The following BRWD1 variants were observed in gnomAD, a reference collection of about 807,000 sequenced individuals.
The protein encoded by BRWD1 is bromodomain and WD repeat-containing protein 1.
BRWD1 carries 82 observed loss-of-function variants against 251.2 expected under a neutral mutation model. The ratio of observed to expected loss-of-function variants is 0.33; its 90% confidence interval spans 0.27 to 0.39. The LOEUF (loss-of-function observed/expected upper bound fraction) is 0.39, where lower values mean the gene tolerates loss of function less well. Among genes scored for constraint, BRWD1 ranks in the 10% least tolerant of loss-of-function variants. BRWD1 has a pLI of 1.00. For missense variants in BRWD1, 2,233 were observed against 2,711.6 expected (o/e 0.82, Z 3.92); for synonymous variants, 918 against 902.8 (o/e 1.02, Z -0.30).
rs894307806 is a variant in BRWD1 at position 39,189,923 on chromosome 21, C to T, written c.*6336G>A. 2 of 985,258 alleles carry T rather than the reference C, an allele frequency of 2.0e-6. No individual in the cohort carries two copies. The highest frequency in any genetic ancestry group is 3.5e-5 in the African/African-American group (2 of 57,226). 61.0% of individuals were successfully genotyped at this position (985,258 alleles called of 1,614,324 possible). The stretch of plus-strand genomic sequence containing the variant: ...AGTCAGTAGAATCCCACCAGTCCTA[C>T]TGCCTCAGATGAGTCTTGTTTCAGT... On this transcript the variant is annotated 3_prime_UTR_variant, in exon 41 of 41. Coordinates refer to ENST00000342449, the MANE Select transcript of BRWD1 (RefSeq NM_033656.4).
chr21:39,296,575 T>C, intron 5 of BRWD1: 2 of 1,192,142 alleles, frequency 1.7e-6, no homozygotes, highest in Non-Finnish European at 2.1e-6. Context: ...CAACTAACAT[T>C]TGTGTAGCAC....
intron 27 of BRWD1, among the ~76,000 whole-genome samples, chr21:39,228,157 G>A (rs924726886): frequency 1.6e-4 from 24 of 151,920 alleles, no homozygotes; most frequent in African/African-American, 5.3e-4. Context: ...GCGTAGTGGC[G>A]CACACCTGTA....
chr21:39,221,154 TA>T lies in BRWD1; in HGVS notation c.3383-2495del, dbSNP rs35879682. On this transcript the variant is annotated intron_variant, in intron 29 of 40. Transcript: ENST00000342449. ...TGGGCAACAAAGCAAAACTACATCT[TA>T]AAAAAAAAAAAAAAAAAAAAAATTC... is the stretch of plus-strand genomic sequence containing the variant. Among the ~76,000 whole-genome samples the T allele has an allele frequency of 8.5e-3, 935 of 109,890 alleles. 8 individuals are homozygous for T. Among genetic ancestry groups the T allele is most frequent in the Middle Eastern group, 0.038 (7 of 184 alleles). 72.1% of individuals were successfully genotyped at this position (109,890 alleles called of 152,430 possible).
intron 36 of BRWD1, among the ~76,000 whole-genome samples, chr21:39,207,766 G>A (rs1430606388): frequency 6.6e-6 from 1 of 152,184 alleles, no homozygotes; most frequent in East Asian, 1.9e-4. Context: ...GCCATCGATA[G>A]ATGAATGAAT....
chr21:39,191,495 G>C lies in BRWD1; in HGVS notation c.*4764C>G. 1.0e-6 allele frequency: 1 copy of C among 973,346 alleles called. No homozygotes were observed. The highest frequency in any genetic ancestry group is 1.2e-6 in the Non-Finnish European group (1 of 819,064). 60.3% of individuals were successfully genotyped at this position (973,346 alleles called of 1,614,324 possible). On this transcript the variant is annotated 3_prime_UTR_variant, in exon 41 of 41. Transcript: ENST00000342449. The stretch of plus-strand genomic sequence containing the variant: ...CTGACAAAAATCATCTAAATGAATA[G>C]ATTAATTTAGAACATTAACGATCTT...
chr21:39,234,856 TCAAGAGGGAGCAGTATGGAGTACAGAAA>T (rs1277275104), intron 23 of BRWD1, among the ~76,000 whole-genome samples: 1 of 152,208 alleles, frequency 6.6e-6, no homozygotes, highest in East Asian at 1.9e-4. Context: ...AAACTGTTTA[TCAAGAGGGAGCAGTATGGAGTACAGAAA>T]CAGCATGAAC....
At position 39,206,128 on chromosome 21, in the gene BRWD1, A is replaced by G. The variant is rs747450384; in HGVS notation, c.4344T>C (p.Ser1448=). The G allele has an allele frequency of 6.2e-7, 1 of 1,611,314 alleles. No individual in the cohort carries two copies. Among genetic ancestry groups the G allele is most frequent in the Non-Finnish European group, 8.5e-7 (1 of 1,179,266 alleles). Residue 1448 remains serine (S), a synonymous_variant, in exon 37 of 41, where the codon AGT becomes AGC. Transcript: ENST00000342449. ...TTTACCTGATACTTTTGTTAGGCTG[A>G]CTGTCACCTTTACAATTTTGCCGTT... is the stretch of plus-strand genomic sequence containing the variant. ...FKQRQNCKGD[S]QPNKSIRNLK...
intron 32 of BRWD1, among the ~76,000 whole-genome samples, chr21:39,214,523 C>G (rs2032800395): frequency 6.6e-6 from 1 of 151,898 alleles, no homozygotes; most frequent in Non-Finnish European, 1.5e-5. Flanking sequence ...AAACAAAACG[C>G]TAAATTTGAT....
chr21:39,206,655 G>A (rs778272715), intron 36 of BRWD1, among the ~76,000 whole-genome samples: 5 of 152,178 alleles, frequency 3.3e-5, no homozygotes, highest in Non-Finnish European at 2.9e-5. Context: ...CAAAAGCGCT[G>A]TCTTTCTTTG....
At chr21:39,257,746 TAA>T (rs2034606397) in intron 18 of BRWD1, among the ~76,000 whole-genome samples, 1 of 152,160 alleles carries the variant, frequency 6.6e-6, no homozygotes, top group South Asian at 2.1e-4. Flanking sequence ...CATTAAGATA[TAA>T]AGTGTCACAA....
rs1568846605 is a variant in BRWD1, at chr21:39,191,152, A to T, written c.*5107T>A. On this transcript the variant is annotated 3_prime_UTR_variant, in exon 41 of 41. Transcript: ENST00000342449. ...GAATCAGAAGTAAATACTTGTTTTCAATCTACCCTATTACTGTACTACTGG... is the reference window on the plus strand; with the variant it reads ...GAATCAGAAGTAAATACTTGTTTTCTATCTACCCTATTACTGTACTACTGG... 2 of 985,232 alleles carry T rather than the reference A, an allele frequency of 2.0e-6. No homozygotes were observed. The highest frequency in any genetic ancestry group is 2.4e-6 in the Non-Finnish European group (2 of 829,906). 61.0% of individuals were successfully genotyped at this position (985,232 alleles called of 1,614,324 possible). A position where few individuals can be genotyped will look rare whatever the true frequency, so the allele number is the denominator to read the frequency against.
intron 39 of BRWD1, 49 bp downstream of exon 39, chr21:39,200,170 T>C (rs779452540): frequency 4.7e-6 from 7 of 1,500,624 alleles, no homozygotes; most frequent in Non-Finnish European, 1.8e-6. Flanking sequence ...TTTATAACTT[T>C]TGGATTCTTT....
upstream of BRWD1, chr21:39,314,594 T>TTTGA: frequency 2.9e-6 from 1 of 347,762 alleles, no homozygotes; most frequent in Non-Finnish European, 5.7e-6. Context: ...TTGCCAGGCT[T>TTTGA]CTGACCTAAC....
At chr21:39,240,843 C>T (rs566025973) in intron 21 of BRWD1, among the ~76,000 whole-genome samples, 1 of 152,034 alleles carries the variant, frequency 6.6e-6, no homozygotes, top group South Asian at 2.1e-4. Flanking sequence ...AAAAAAAGAA[C>T]AGTAAGTAAA....
intron 18 of BRWD1, among the ~76,000 whole-genome samples, chr21:39,256,548 G>A (rs2034567549): frequency 6.6e-6 from 1 of 152,188 alleles, no homozygotes; most frequent in African/African-American, 2.4e-5. Context: ...TGAGCCTGAG[G>A]GGCTGCTGTT....
At chr21:39,234,173 T>C (rs2033726703) in intron 23 of BRWD1, among the ~76,000 whole-genome samples, 1 of 152,212 alleles carries the variant, frequency 6.6e-6, no homozygotes, top group South Asian at 2.1e-4. Flanking sequence ...TTGGTTATGA[T>C]ATATTAATAC....
In BRWD1 at chr21:39,296,327, G is replaced by A. The variant is rs2035961660; in HGVS notation, c.386C>T (p.Ala129Val). 1.9e-6 allele frequency: 3 copies of A among 1,600,188 alleles called. No individual in the cohort carries two copies. Among genetic ancestry groups the A allele is most frequent in the East Asian group, 4.5e-5 (2 of 44,100 alleles). Residue 129 changes from alanine (A) to valine (V), a missense_variant, in exon 6 of 41, where the codon GCT becomes GTT. Around this residue, in one of 12 missense-constraint regions of BRWD1, gnomAD observed 185 missense variants for 260.6 expected, o/e 0.71. Transcript: ENST00000342449. ...AGGAGGTCTTCCTCTATGAAGAGCA[G>A]CAAAGGCAGAGCCCTTCCAAACTGT... is the stretch of plus-strand genomic sequence containing the variant. Reference protein sequence around the residue: ...RHTVWKGSAFAALHRGRPPEM... With the variant: ...RHTVWKGSAFVALHRGRPPEM...
chr21:39,313,417 G>T (rs746876152), intron 1 of BRWD1, 26 bp downstream of exon 1: 22 of 1,444,754 alleles, frequency 1.5e-5, no homozygotes, highest in Non-Finnish European at 9.1e-7. Context: ...GCGCCAGGGC[G>T]GGGGTGGCAC....
chr21:39,312,946 G>GGGGGGGCGGGGGGC (rs753029578), intron 3 of BRWD1, 46 bp from the exon 4 acceptor site: 1 of 736,366 alleles, frequency 1.4e-6, no homozygotes, highest in Admixed American at 4.8e-5. Flanking sequence ...CTCCGGCGCG[G>GGGGGGGCGGGGGGC]GGGGGGCGGG....
Sources: allele counts gnomAD v4.1 joint callset (sites outside exome capture counted in the v4.1 genomes callset), GRCh38; gene constraint gnomAD v4.1.1; regional missense constraint gnomAD v4.1.1; transcripts MANE v1.5; gene names NCBI Gene and HGNC (gene_info 2026-07-23, HGNC 2026-07-21).